The following MGMT variants were observed in gnomAD, a reference collection of about 807,000 sequenced individuals.
The protein encoded by MGMT is methylated-DNA--protein-cysteine methyltransferase.
Under a neutral mutation model 15.9 loss-of-function variants are expected in MGMT, and 14 were observed. The ratio of observed to expected loss-of-function variants is 0.88; its 90% CI spans 0.58 to 1.37. MGMT has a LOEUF of 1.37. Ranked by LOEUF, MGMT falls within the 40% of genes most tolerant of loss-of-function variation. MGMT has a pLI of 0.00. For synonymous variants in MGMT, 130 were observed against 118.2 expected (o/e 1.10, Z -0.65); for missense variants, 282 against 268.1 (o/e 1.05, Z -0.36).
At chr10:129,730,596 C>T (rs1848484792) in intron 3 of MGMT, among the ~76,000 whole-genome samples, 1 of 152,180 alleles carries the variant, frequency 6.6e-6, no homozygotes. Context: ...ATGAAATTCG[C>T]AGAATTCCTC....
chr10:129,651,654 A>G (rs1847459672), intron 2 of MGMT, among the ~76,000 whole-genome samples: 1 of 152,194 alleles, frequency 6.6e-6, no homozygotes, highest in Non-Finnish European at 1.5e-5. Context: ...TGTCGCCTAT[A>G]GAATCCATAC....
rs140393798 is a variant in MGMT, at chr10:129,467,983, T to C, written c.-13+687T>C. On this transcript the variant is annotated intron_variant, in intron 1 of 4. Coordinates refer to ENST00000651593, the MANE Select transcript of MGMT (RefSeq NM_002412.5). ...TGCTTCAGCTGAGTAGCTGGCTTTC[T>C]GTCCTGGAAAGCAGACTTTGTACAT... Among the ~76,000 whole-genome samples, 572 of 152,352 alleles carry C rather than the reference T, an allele frequency of 3.8e-3. 3 individuals carry two copies. Among genetic ancestry groups the C allele is most frequent in the Non-Finnish European group, 6.2e-3 (421 of 68,032 alleles).
chr10:129,559,219 G>A (rs949573930), intron 2 of MGMT, among the ~76,000 whole-genome samples: 30 of 152,044 alleles, frequency 2.0e-4, no homozygotes, highest in African/African-American at 6.8e-4. Context: ...AGTCAACTTA[G>A]GCAATACATT....
intron 2 of MGMT, among the ~76,000 whole-genome samples, chr10:129,563,017 G>T (rs1216182617): frequency 2.0e-5 from 3 of 152,136 alleles, no homozygotes; most frequent in African/African-American, 7.2e-5. Flanking sequence ...TAAAGGACAT[G>T]ACACAGTCAC....
intron 3 of MGMT, among the ~76,000 whole-genome samples, chr10:129,720,301 C>A (rs1848354595): frequency 6.6e-6 from 1 of 152,212 alleles, no homozygotes; most frequent in African/African-American, 2.4e-5. Context: ...ATGACACGTT[C>A]AAAGCGTGTG....
At chr10:129,487,326 C>A (rs1232794683) in intron 1 of MGMT, among the ~76,000 whole-genome samples, 3 of 152,014 alleles carry the variant, frequency 2.0e-5, no homozygotes, top group Non-Finnish European at 4.4e-5. Flanking sequence ...AAAGGCCAAA[C>A]TTGTTCCAGT....
rs564807664 is a variant in MGMT at position 129,473,141 on chromosome 10, G to A, written c.-13+5845G>A. 2.6e-5 allele frequency among the ~76,000 whole-genome samples: 4 copies of A among 152,332 alleles called. No homozygotes were observed. The South Asian group carries it at 6.2e-4, about 24-fold the overall frequency. ...AAAGGACGGACACAGGATCTGACAC[G>A]ATGGCAGTGGCCAGGAACCAGCAGT... On this transcript the variant is annotated intron_variant, in intron 1 of 4. Transcript: ENST00000651593.
At chr10:129,734,610 G>A (rs1002752180) in intron 3 of MGMT, among the ~76,000 whole-genome samples, 15 of 152,044 alleles carry the variant, frequency 9.9e-5, no homozygotes, top group African/African-American at 3.4e-4. Context: ...GAATAGGAGT[G>A]GTGAGAGAGG....
At chr10:129,468,864 G>A (rs1589824400) in intron 1 of MGMT, among the ~76,000 whole-genome samples, 2 of 152,150 alleles carry the variant, frequency 1.3e-5, no homozygotes, top group African/African-American at 4.8e-5. Flanking sequence ...CAACCTGGGC[G>A]ACGAGAGTGA....
intron 1 of MGMT, among the ~76,000 whole-genome samples, chr10:129,473,203 G>C (rs1334377370): frequency 6.6e-6 from 1 of 152,222 alleles, no homozygotes; most frequent in Non-Finnish European, 1.5e-5. Context: ...CATGTGTGAC[G>C]GCCGTTTAGA....
chr10:129,720,243 C>T (rs1372359722), intron 3 of MGMT, among the ~76,000 whole-genome samples: 2 of 152,214 alleles, frequency 1.3e-5, no homozygotes, highest in Non-Finnish European at 2.9e-5. Flanking sequence ...CACTGTTAAG[C>T]TCTAGGCCAC....
At chr10:129,675,725 T>C (rs1460624621) in intron 2 of MGMT, among the ~76,000 whole-genome samples, 1 of 152,180 alleles carries the variant, frequency 6.6e-6, no homozygotes, top group Admixed American at 6.5e-5. Context: ...CTGCTGCTGC[T>C]GTGATCTCCT....
At chr10:129,628,226 A>T (rs916701717) in intron 2 of MGMT, among the ~76,000 whole-genome samples, 1 of 152,232 alleles carries the variant, frequency 6.6e-6, no homozygotes, top group Non-Finnish European at 1.5e-5. Context: ...ATCAAAAACC[A>T]TAACTTCATG....
At chr10:129,692,209 G>A (rs2133128617) in intron 2 of MGMT, among the ~76,000 whole-genome samples, 1 of 152,282 alleles carries the variant, frequency 6.6e-6, no homozygotes, top group South Asian at 2.1e-4. Flanking sequence ...TTTGAAGAAG[G>A]GCTTAGGTCT....
chr10:129,721,947 T>C lies in MGMT; in HGVS notation c.274+13904T>C, dbSNP rs555774916. Among the ~76,000 whole-genome samples the C allele has an allele frequency of 2.4e-4, 36 of 152,272 alleles. 1 individual carries two copies. The East Asian group carries it at 6.9e-3, about 29-fold the overall frequency. ...TAATAATTACATTAAATGTAAATGT[T>C]TTAAGATTCAAATAAAAAGACATAG... On this transcript the variant is annotated intron_variant, in intron 3 of 4. Transcript: ENST00000651593.
At chr10:129,584,505 AT>A (rs1846596294) in intron 2 of MGMT, among the ~76,000 whole-genome samples, 1 of 151,942 alleles carries the variant, frequency 6.6e-6, no homozygotes, top group South Asian at 2.1e-4. Flanking sequence ...ACCCATTTAA[AT>A]TGTACAGCAT....
intron 4 of MGMT, among the ~76,000 whole-genome samples, chr10:129,761,487 T>TC (rs1324467387): frequency 6.6e-6 from 1 of 152,240 alleles, no homozygotes; most frequent in Admixed American, 6.5e-5. Flanking sequence ...GGAGATGCCG[T>TC]CGCTGGTTAG....
intron 2 of MGMT, among the ~76,000 whole-genome samples, chr10:129,597,601 G>A (rs966355343): frequency 1.3e-5 from 2 of 152,188 alleles, no homozygotes; most frequent in South Asian, 4.1e-4. Flanking sequence ...TTATCCAAAA[G>A]CTCAAGGTGA....
chr10:129,679,539 G>A (rs770228808), intron 2 of MGMT, among the ~76,000 whole-genome samples: 4 of 152,168 alleles, frequency 2.6e-5, no homozygotes, highest in Non-Finnish European at 5.9e-5. Context: ...AAGAATATTA[G>A]TACAATATTT....
Sources: gnomAD v4.1 joint callset for allele counts (sites outside exome capture counted in the v4.1 genomes callset) on GRCh38, gnomAD v4.1.1 for gene constraint, MANE v1.5 for transcripts, NCBI Gene and HGNC (gene_info 2026-07-23, HGNC 2026-07-21) for gene names.